The following MSRA variants were observed in gnomAD, a reference collection of about 807,000 sequenced individuals.
MSRA encodes methionine sulfoxide reductase A.
A neutral mutation model predicts 31.3 loss-of-function variants in MSRA; 54 were observed. That is an observed-to-expected ratio of 1.73 (90% CI 1.39 to 2.17). MSRA has a LOEUF of 2.17. MSRA is among the 30% of genes most tolerant of loss of function. The probability of loss-of-function intolerance (pLI) is 0.00; values close to 1 mark genes in which losing one functional copy is unlikely to be tolerated. For missense variants in MSRA, 507 were observed against 300.9 expected (o/e 1.69, Z -5.07); for synonymous variants, 169 against 116.5 (o/e 1.45, Z -2.90).
At chr8:10,271,922 G>C (rs915527769) in intron 3 of MSRA, among the ~76,000 whole-genome samples, 2 of 152,044 alleles carry the variant, frequency 1.3e-5, no homozygotes, top group African/African-American at 2.4e-5. Context: ...TGGTCAGGCT[G>C]GTCTCGAACT....
chr8:10,130,259 G>A (rs1435095099), intron 1 of MSRA, among the ~76,000 whole-genome samples: 1 of 152,162 alleles, frequency 6.6e-6, no homozygotes, highest in East Asian at 1.9e-4. Flanking sequence ...GCAACTTTGT[G>A]AATTAGAGAC....
intron 2 of MSRA, among the ~76,000 whole-genome samples, chr8:10,242,411 G>T (rs11777246): frequency 0.21 from 32,192 of 152,110 alleles, 4,234 homozygotes; most frequent in Admixed American, 0.33. Flanking sequence ...GTTGCTTTTT[G>T]GGCTATAAGG....
At chr8:10,304,661 C>T (rs1432766617) in intron 4 of MSRA, among the ~76,000 whole-genome samples, 1 of 152,180 alleles carries the variant, frequency 6.6e-6, no homozygotes, top group African/African-American at 2.4e-5. Context: ...CACTCACTCA[C>T]CACATCTGAC....
At chr8:10,340,532 C>G (rs952885828) in intron 5 of MSRA, among the ~76,000 whole-genome samples, 4 of 152,202 alleles carry the variant, frequency 2.6e-5, no homozygotes, top group African/African-American at 9.6e-5. Context: ...GCCACCACGC[C>G]CAGCTAGTTT....
At chr8:10,189,980 G>A (rs113847036) in intron 1 of MSRA, among the ~76,000 whole-genome samples, 2,717 of 152,070 alleles carry the variant, frequency 0.018, 86 homozygotes, top group African/African-American at 0.061. Context: ...TCTATTTCTC[G>A]TGTTATTTTT....
intron 5 of MSRA, among the ~76,000 whole-genome samples, chr8:10,409,148 T>A (rs912973830): frequency 6.6e-6 from 1 of 152,230 alleles, no homozygotes; most frequent in African/African-American, 2.4e-5. Flanking sequence ...CTCCATACTG[T>A]TTTCCGTAGA....
chr8:10,325,239 AAC>A (rs1347259108), intron 5 of MSRA, among the ~76,000 whole-genome samples: 4 of 152,178 alleles, frequency 2.6e-5, no homozygotes. Flanking sequence ...GAGAAAGAAA[AAC>A]ACAGTTCAAT....
At chr8:10,300,499 G>T (rs543776720) in intron 3 of MSRA, among the ~76,000 whole-genome samples, 12 of 151,902 alleles carry the variant, frequency 7.9e-5, no homozygotes, top group African/African-American at 9.7e-5. Context: ...CAAGTGATCC[G>T]CCTGCCTTGG....
At chr8:10,254,187 C>G (rs1033092974) in intron 3 of MSRA, among the ~76,000 whole-genome samples, 1 of 152,126 alleles carries the variant, frequency 6.6e-6, no homozygotes, top group Admixed American at 6.5e-5. Context: ...TCAGCGTCTT[C>G]GTTCTTTGAG....
chr8:10,404,682 C>A (rs565562360), intron 5 of MSRA, among the ~76,000 whole-genome samples: 77 of 152,364 alleles, frequency 5.1e-4, no homozygotes, highest in African/African-American at 1.7e-3. Flanking sequence ...GATGTGTACA[C>A]AAACACAGCC....
chr8:10,339,821 G>T (rs953216484), intron 5 of MSRA, among the ~76,000 whole-genome samples: 5 of 151,556 alleles, frequency 3.3e-5, no homozygotes, highest in Admixed American at 2.6e-4. Context: ...GATTACAGGC[G>T]TGAGCCACCA....
chr8:10,388,263 T>C (rs1806515547), intron 5 of MSRA, among the ~76,000 whole-genome samples: 1 of 152,148 alleles, frequency 6.6e-6, no homozygotes, highest in African/African-American at 2.4e-5. Flanking sequence ...AAAGCAAGTG[T>C]AAGGTTCGTG....
intron 5 of MSRA, among the ~76,000 whole-genome samples, chr8:10,341,621 A>C (rs1255568185): frequency 6.6e-6 from 1 of 152,202 alleles, no homozygotes; most frequent in Non-Finnish European, 1.5e-5. Flanking sequence ...ATTAGTACTT[A>C]GTCTTGGGCA....
chr8:10,408,500 A>C (rs914614838), intron 5 of MSRA, among the ~76,000 whole-genome samples: 1 of 152,270 alleles, frequency 6.6e-6, no homozygotes, highest in South Asian at 2.1e-4. Flanking sequence ...TGAGCATACC[A>C]CTACAATCCA....
chr8:10,334,438 G>T (rs78317928), intron 5 of MSRA, among the ~76,000 whole-genome samples: 2 of 151,888 alleles, frequency 1.3e-5, no homozygotes, highest in African/African-American at 2.4e-5. Flanking sequence ...TACCGGGGGC[G>T]GGGGGGAGGT....
chr8:10,414,584 C>T (rs1808346766), intron 5 of MSRA, among the ~76,000 whole-genome samples: 1 of 152,192 alleles, frequency 6.6e-6, no homozygotes, highest in African/African-American at 2.4e-5. Context: ...TGCTGCAGTT[C>T]TTCTGTGAAT....
At chr8:10,073,234 A>G (rs951798273) in intron 1 of MSRA, among the ~76,000 whole-genome samples, 1 of 152,188 alleles carries the variant, frequency 6.6e-6, no homozygotes, top group Non-Finnish European at 1.5e-5. Context: ...ACTATCACAT[A>G]TGATGTCAGC....
chr8:10,418,685 C>G (rs1219074667), intron 5 of MSRA, among the ~76,000 whole-genome samples: 2 of 151,914 alleles, frequency 1.3e-5, no homozygotes, highest in Non-Finnish European at 2.9e-5. Flanking sequence ...TAAAAAGTGT[C>G]TGTAGGTCAG....
intron 2 of MSRA, among the ~76,000 whole-genome samples, chr8:10,213,010 C>T (rs1319990583): frequency 6.6e-6 from 1 of 152,122 alleles, no homozygotes; most frequent in Non-Finnish European, 1.5e-5. Context: ...TGTCTGTCCC[C>T]TCAAACATTT....
Sources: gnomAD v4.1 joint callset for allele counts (sites outside exome capture counted in the v4.1 genomes callset) on GRCh38, gnomAD v4.1.1 for gene constraint, MANE v1.5 for transcripts, NCBI Gene and HGNC (gene_info 2026-07-23, HGNC 2026-07-21) for gene names.